Variants in UBE2H observed in about 807,000 individuals in gnomAD.
The protein encoded by UBE2H is ubiquitin-conjugating enzyme E2 H.
Under a neutral mutation model 29.0 loss-of-function variants are expected in UBE2H, and 3 were observed. The ratio of observed to expected loss-of-function variants is 0.10; its 90% CI spans 0.05 to 0.27. The LOEUF (loss-of-function observed/expected upper bound fraction) is 0.27. UBE2H is among the 10% of genes least tolerant of loss of function. The probability of loss-of-function intolerance (pLI) is 1.00; values close to 1 mark genes in which losing one functional copy is unlikely to be tolerated. For synonymous variants in UBE2H, 69 were observed against 82.9 expected, an observed-to-expected ratio of 0.83 and a Z score of 0.91; for missense variants, 68 against 228.2, an observed-to-expected ratio of 0.30 and a Z score of 4.52.
intron 1 of UBE2H, among the ~76,000 whole-genome samples, chr7:129,947,235 C>CA (rs530991416): frequency 9.9e-4 from 151 of 152,276 alleles, no homozygotes; most frequent in African/African-American, 3.5e-3. Flanking sequence ...CCTGCCTAAC[C>CA]AAAATAAGTA....
intron 1 of UBE2H, among the ~76,000 whole-genome samples, chr7:129,888,461 T>C (rs1806407741): frequency 3.3e-5 from 5 of 151,278 alleles, no homozygotes. Flanking sequence ...GAGACCAGCC[T>C]GGGCAACATA....
intron 1 of UBE2H, among the ~76,000 whole-genome samples, chr7:129,922,248 A>G (rs1027209630): frequency 2.0e-5 from 3 of 151,688 alleles, no homozygotes; most frequent in African/African-American, 7.3e-5. Flanking sequence ...TCAGCCTCCC[A>G]GAGTGCTAGG....
chr7:129,854,889 G>A (rs1584745932), intron 5 of UBE2H, among the ~76,000 whole-genome samples: 2 of 151,912 alleles, frequency 1.3e-5, no homozygotes, highest in African/African-American at 2.4e-5. Context: ...CATGCAACAC[G>A]GATCAACCTT....
chr7:129,871,365 T>C (rs1023720274), intron 3 of UBE2H, among the ~76,000 whole-genome samples: 2 of 152,222 alleles, frequency 1.3e-5, no homozygotes, highest in African/African-American at 2.4e-5. Context: ...ATTTATTTTT[T>C]TACAAAACCT....
At chr7:129,836,863 GGGC>G (rs1805335384) in intron 6 of UBE2H, among the ~76,000 whole-genome samples, 1 of 89,650 alleles carries the variant, frequency 1.1e-5, no homozygotes. Context: ...CTAGGCGACA[GGGC>G]AAGACTCCGT....
At chr7:129,930,866 C>T (rs1340108587) in intron 1 of UBE2H, among the ~76,000 whole-genome samples, 1 of 138,364 alleles carries the variant, frequency 7.2e-6, no homozygotes, top group Non-Finnish European at 1.5e-5. Context: ...CGAGATCGCC[C>T]CACTGCACTC....
chr7:129,892,975 C>A (rs1191998555), intron 1 of UBE2H, among the ~76,000 whole-genome samples: 1 of 152,256 alleles, frequency 6.6e-6, no homozygotes, highest in East Asian at 1.9e-4. Context: ...AGGGAAGTAT[C>A]ACTTATTTAA....
chr7:129,837,809 A>T (rs1180570015), intron 6 of UBE2H, among the ~76,000 whole-genome samples: 1 of 152,200 alleles, frequency 6.6e-6, no homozygotes, highest in Non-Finnish European at 1.5e-5. Flanking sequence ...GAGATTACTA[A>T]GGAAGACAAA....
intron 1 of UBE2H, among the ~76,000 whole-genome samples, chr7:129,916,517 A>C (rs1807047365): frequency 6.6e-6 from 1 of 151,324 alleles, no homozygotes; most frequent in Non-Finnish European, 1.5e-5. Flanking sequence ...ATCCCAAACC[A>C]CAGCCATCCT....
intron 1 of UBE2H, among the ~76,000 whole-genome samples, chr7:129,892,816 A>G (rs752920637): frequency 1.3e-5 from 2 of 152,084 alleles, no homozygotes; most frequent in South Asian, 2.1e-4. Flanking sequence ...GAAAAATCAG[A>G]TAACTGAAGT....
chr7:129,916,022 G>GA (rs1467664729), intron 1 of UBE2H, among the ~76,000 whole-genome samples: 3 of 152,108 alleles, frequency 2.0e-5, no homozygotes, highest in Non-Finnish European at 2.9e-5. Context: ...TAAAAAGCCA[G>GA]AAAAAATCCA....
intron 3 of UBE2H, among the ~76,000 whole-genome samples, chr7:129,867,561 A>AG (rs1335003227): frequency 2.5e-5 from 1 of 40,410 alleles, no homozygotes; most frequent in Non-Finnish European, 4.5e-5. Flanking sequence ...GGGTCGGGGG[A>AG]GGGGGGAGGG....
At chr7:129,851,282 C>T (rs1805604672) in intron 5 of UBE2H, among the ~76,000 whole-genome samples, 1 of 152,284 alleles carries the variant, frequency 6.6e-6, no homozygotes, top group African/African-American at 2.4e-5. Context: ...AATTCATCCT[C>T]GTTCAAACCT....
intron 5 of UBE2H, among the ~76,000 whole-genome samples, chr7:129,840,463 T>C (rs1584736899): frequency 6.6e-6 from 1 of 152,140 alleles, no homozygotes; most frequent in East Asian, 1.9e-4. Flanking sequence ...GCTGGGATTA[T>C]AGACGTGACA....
chr7:129,879,947 C>G (rs1010054537), intron 2 of UBE2H, among the ~76,000 whole-genome samples: 1 of 151,772 alleles, frequency 6.6e-6, no homozygotes, highest in African/African-American at 2.4e-5. Context: ...TCTCAATAAA[C>G]CCCATATTCA....
At chr7:129,904,664 G>A (rs930669015) in intron 1 of UBE2H, among the ~76,000 whole-genome samples, 8 of 152,178 alleles carry the variant, frequency 5.3e-5, no homozygotes, top group Non-Finnish European at 4.4e-5. Context: ...CCTCGGCTAC[G>A]TGTCAGTGGA....
At chr7:129,938,016 T>C (rs562569660) in intron 1 of UBE2H, among the ~76,000 whole-genome samples, 9 of 152,260 alleles carry the variant, frequency 5.9e-5, no homozygotes, top group East Asian at 1.9e-4. Flanking sequence ...TAATATCTAA[T>C]ATCAGCCACC....
rs547073607 is a variant in UBE2H, at chr7:129,892,413, G to A, written c.54-11442C>T. On this transcript the variant is annotated intron_variant, in intron 1 of 6. Coordinates refer to ENST00000355621, the MANE Select transcript of UBE2H (RefSeq NM_003344.4). ...ATTACAGGTGCACACCACCACGCCC[G>A]GCTAATTTTTGTATTTTTAGTAGAG... Among the ~76,000 whole-genome samples, 14 of 151,844 alleles carry A rather than the reference G, an allele frequency of 9.2e-5. 1 individual carries two copies. The South Asian group carries it at 1.5e-3, about 16-fold the overall frequency.
intron 1 of UBE2H, among the ~76,000 whole-genome samples, chr7:129,941,267 G>C (rs1020267536): frequency 6.6e-6 from 1 of 151,828 alleles, no homozygotes; most frequent in African/African-American, 2.4e-5. Context: ...GGTTGGTCTC[G>C]AACTCCTGAG....
Sources: gnomAD v4.1 joint callset for allele counts (sites outside exome capture counted in the v4.1 genomes callset) on GRCh38, gnomAD v4.1.1 for gene constraint, MANE v1.5 for transcripts, NCBI Gene and HGNC (gene_info 2026-07-23, HGNC 2026-07-21) for gene names.